The following TBXA2R variants were observed in gnomAD, a reference collection of about 807,000 sequenced individuals.
TBXA2R encodes thromboxane A2 receptor, also known as prostanoid TP receptor.
TBXA2R carries 15 observed loss-of-function variants against 15.6 expected under a neutral mutation model. That is an observed-to-expected ratio of 0.96 (90% confidence interval 0.64 to 1.48). The LOEUF (loss-of-function observed/expected upper bound fraction) is 1.48, where lower values mean the gene tolerates loss of function less well. TBXA2R is among the 40% of genes most tolerant of loss of function. The pLI is 0.00. For missense variants in TBXA2R, 506 were observed against 491.4 expected (o/e 1.03, Z -0.28); for synonymous variants, 280 against 241.2 (o/e 1.16, Z -1.49).
chr19:3,604,100 A>G (rs1353667913), intron 1 of TBXA2R, among the ~76,000 whole-genome samples: 1 of 152,142 alleles, frequency 6.6e-6, no homozygotes, highest in African/African-American at 2.4e-5. Context: ...ACACGCTTCC[A>G]GTCCTGGGAC....
chr19:3,599,591 A>C (rs1452583222), intron 2 of TBXA2R, among the ~76,000 whole-genome samples: 2 of 151,786 alleles, frequency 1.3e-5, no homozygotes, highest in African/African-American at 4.8e-5. Context: ...CGGCCTCCCA[A>C]AGTGCTGGGA....
chr19:3,600,077 C>A lies in TBXA2R; in HGVS notation c.558G>T (p.Thr186=). The A allele has an allele frequency of 1.9e-6, 3 of 1,612,456 alleles. No homozygotes were observed. The highest frequency in any genetic ancestry group is 1.3e-5 in the African/African-American group (1 of 75,034). ...VQYPGSWCFL[T]LGAESGDVAF... is the part of the protein sequence containing the mutation. ...CCACGTCCCCGGACTCGGCGCCCAG[C>A]GTCAGGAAGCACCAGGACCCCGGGT... Residue 186 remains threonine, a synonymous_variant, in exon 2 of 3, where the codon ACG becomes ACT. Transcript: ENST00000375190.
At position 3,598,960 on chromosome 19, in the gene TBXA2R, G is replaced by A. The variant is rs761033016; in HGVS notation, c.786+889C>T. 1.1e-4 allele frequency among the ~76,000 whole-genome samples: 16 copies of A among 152,174 alleles called. No homozygotes were observed. The South Asian group carries it at 1.7e-3, about 16-fold the overall frequency. ...TGGGATTTCAGGCATGAGCCACTAC[G>A]CCCGGCCTGTTTTGTTTTTTACTAA... On this transcript the variant is annotated intron_variant, in intron 2 of 2. Coordinates refer to ENST00000375190, the MANE Select transcript of TBXA2R (RefSeq NM_001060.6).
chr19:3,598,217 G>A (rs1009575484), intron 2 of TBXA2R: 2 of 152,428 alleles, frequency 1.3e-5, no homozygotes, highest in African/African-American at 4.8e-5. Context: ...AAGTGCCTGT[G>A]AGAACTTTCT....
intron 2 of TBXA2R, among the ~76,000 whole-genome samples, chr19:3,599,144 T>G (rs1036652744): frequency 1.3e-5 from 2 of 152,050 alleles, no homozygotes; most frequent in African/African-American, 4.8e-5. Context: ...TACGGCTGCT[T>G]TCTATTTTTT....
intron 2 of TBXA2R, 23 bp from the exon 3 acceptor site, chr19:3,595,956 C>T: frequency 6.4e-7 from 1 of 1,564,954 alleles, no homozygotes; most frequent in Non-Finnish European, 8.6e-7. Flanking sequence ...GAGCTGTCAG[C>T]CTGGGCCCCC....
At position 3,594,647 on chromosome 19, in the gene TBXA2R, CAAG is replaced by C. The variant is rs2032558629; in HGVS notation, c.*1038_*1040del. Reference sequence around the variant, plus strand: ...ACCCATCAAGTGATTAGGAAACACTCAAGAAACAAGGTGGGGGAGGAACCGAAT... The same window carrying C: ...ACCCATCAAGTGATTAGGAAACACTCAAACAAGGTGGGGGAGGAACCGAAT... On this transcript the variant is annotated 3_prime_UTR_variant, in exon 3 of 3. Transcript: ENST00000375190. The C allele has an allele frequency of 1.9e-6, 1 of 516,904 alleles. No homozygotes were observed. The highest frequency in any genetic ancestry group is 3.5e-6 in the Non-Finnish European group (1 of 289,844). The allele number at this position is 516,904 out of a possible 1,614,324, so 32.0% of individuals were successfully genotyped here. A position where few individuals can be genotyped will look rare whatever the true frequency, so the allele number is the denominator to read the frequency against.
At position 3,600,599 on chromosome 19, in the gene TBXA2R, G is replaced by T. The variant is rs760586162; in HGVS notation, c.36C>A (p.Phe12Leu). 5 of 1,612,544 alleles carry T rather than the reference G, an allele frequency of 3.1e-6. No individual in the cohort carries two copies. Among genetic ancestry groups the T allele is most frequent in the Admixed American group, 1.7e-5 (1 of 59,990 alleles). The stretch of plus-strand genomic sequence containing the variant: ...CCTCCAGGGTAATGTTTGTGGGCCG[G>T]AAACAGGGCCCCAGGGAACTGCCGT... ...WPNGSSLGPC[F>L]RPTNITLEER... Residue 12 changes from phenylalanine (F) to leucine (L), a missense_variant, in exon 2 of 3, where the codon TTC (phenylalanine) becomes TTA (leucine). Phe to Leu is a conservative substitution (Grantham distance 22). Transcript: ENST00000375190.
intron 1 of TBXA2R, among the ~76,000 whole-genome samples, chr19:3,603,072 A>C (rs932066548): frequency 2.0e-5 from 3 of 149,524 alleles, no homozygotes; most frequent in African/African-American, 4.9e-5. Context: ...TGATGACGGG[A>C]GTGAAGGGAT....
At chr19:3,599,705 G>T in intron 2 of TBXA2R, 144 bp downstream of exon 2, 1 of 1,251,970 alleles carries the variant, frequency 8.0e-7, no homozygotes, top group Non-Finnish European at 1.1e-6. Context: ...GGCCTCAAGC[G>T]ATCCTCCCGC....
chr19:3,595,107 G>A lies in TBXA2R; in HGVS notation c.*581C>T. Reference sequence around the variant, plus strand: ...AAAAAAAAAAAAAATGGCCAGGTGTGGTGGTTCATGCCTGTGATCCCAGCA... The same window carrying A: ...AAAAAAAAAAAAAATGGCCAGGTGTAGTGGTTCATGCCTGTGATCCCAGCA... On this transcript the variant is annotated 3_prime_UTR_variant, in exon 3 of 3. Transcript: ENST00000375190. The A allele has an allele frequency of 6.9e-6, 5 of 720,810 alleles. No individual in the cohort carries two copies. The highest frequency in any genetic ancestry group is 2.9e-5 in the East Asian group (1 of 34,250). The allele number at this position is 720,810 out of a possible 1,614,324, so 44.7% of individuals were successfully genotyped here. A position where few individuals can be genotyped will look rare whatever the true frequency, so the allele number is the denominator to read the frequency against.
In TBXA2R at chr19:3,595,096, T is replaced by A. The variant is rs1044873335; in HGVS notation, c.*592A>T. The A allele has an allele frequency of 5.2e-5, 31 of 596,766 alleles. No homozygotes were observed. The highest frequency in any genetic ancestry group is 1.2e-4 in the African/African-American group (5 of 42,648). The allele number at this position is 596,766 out of a possible 1,614,324, so 37.0% of individuals were successfully genotyped here. Reference sequence around the variant, plus strand: ...CTCCGTCTAAAAAAAAAAAAAAAAATGGCCAGGTGTGGTGGTTCATGCCTG... The same window carrying A: ...CTCCGTCTAAAAAAAAAAAAAAAAAAGGCCAGGTGTGGTGGTTCATGCCTG... On this transcript the variant is annotated 3_prime_UTR_variant, in exon 3 of 3. Transcript: ENST00000375190.
At chr19:3,604,724 G>A (rs972802079) in intron 1 of TBXA2R, among the ~76,000 whole-genome samples, 5 of 152,082 alleles carry the variant, frequency 3.3e-5, no homozygotes, top group South Asian at 4.1e-4. Flanking sequence ...CCATGCCTGC[G>A]GGTGCTAAGC....
At position 3,595,727 on chromosome 19, in the gene TBXA2R, G is replaced by A. The variant is rs2032587336; in HGVS notation, c.993C>T (p.Ser331=). ...AGCGCTGCGTGAGCTGGGGCTGGAGGGACAGCGACCTGGGCCGGGTGCTGA... is the reference window on the plus strand; with the variant it reads ...AGCGCTGCGTGAGCTGGGGCTGGAGAGACAGCGACCTGGGCCGGGTGCTGA... ...PRLSTRPRSL[S]LQPQLTQRSG... The change falls in exon 3 of 3, where the codon TCC becomes TCT. Residue 331 remains serine (S), a synonymous_variant. Transcript: ENST00000375190. The A allele has an allele frequency of 6.2e-7, 1 of 1,600,736 alleles. No individual in the cohort carries two copies. The highest frequency in any genetic ancestry group is 8.5e-7 in the Non-Finnish European group (1 of 1,174,558).
intron 1 of TBXA2R, 117 bp from the exon 2 acceptor site, chr19:3,600,834 T>TTTA: frequency 1.6e-6 from 1 of 613,892 alleles, no homozygotes; most frequent in Non-Finnish European, 2.8e-6. Flanking sequence ...CGGTTTTTTT[T>TTTA]TTTTTTTTTT....
chr19:3,600,703 C>G lies in TBXA2R; in HGVS notation c.-69G>C. On this transcript the variant is annotated 5_prime_UTR_variant, in exon 2 of 3. Transcript: ENST00000375190. ...ATGCTGCAGACAGGGCAGGCTGGCACTGGTTCAGGCACACCTGGGAGGCGA... is the reference window on the plus strand; with the variant it reads ...ATGCTGCAGACAGGGCAGGCTGGCAGTGGTTCAGGCACACCTGGGAGGCGA... 1 of 1,555,192 alleles carries G rather than the reference C, an allele frequency of 6.4e-7. No individual in the cohort carries two copies. The highest frequency in any genetic ancestry group is 8.8e-7 in the Non-Finnish European group (1 of 1,140,132).
intron 2 of TBXA2R, among the ~76,000 whole-genome samples, chr19:3,597,234 G>A (rs1034226791): frequency 5.9e-5 from 9 of 151,362 alleles, no homozygotes; most frequent in Non-Finnish European, 8.8e-5. Context: ...GAGCCACCGC[G>A]CCTGGCAGGA....
intron 2 of TBXA2R, 29 bp downstream of exon 2, chr19:3,599,820 T>C (rs922331694): frequency 3.2e-6 from 5 of 1,548,380 alleles, no homozygotes; most frequent in Admixed American, 3.9e-5. Flanking sequence ...GTCAGGAGGG[T>C]AGCAGGACCC....
intron 2 of TBXA2R, among the ~76,000 whole-genome samples, chr19:3,599,443 C>A (rs1302396329): frequency 6.6e-6 from 1 of 152,174 alleles, no homozygotes. Context: ...CATTCTCCTG[C>A]CTCAGCCTCC....
Sources: gnomAD v4.1 joint callset for allele counts (sites outside exome capture counted in the v4.1 genomes callset) on GRCh38, gnomAD v4.1.1 for gene constraint, MANE v1.5 for transcripts, NCBI Gene and HGNC (gene_info 2026-07-23, HGNC 2026-07-21) for gene names.